Variants in CACNA1E observed in about 807,000 individuals in gnomAD.
The protein encoded by CACNA1E is calcium voltage-gated channel subunit alpha1 E.
In CACNA1E, 40 loss-of-function variants were observed where a neutral mutation model predicts 259.2. That is an observed-to-expected ratio of 0.15 (90% CI 0.12 to 0.20). The LOEUF is 0.20. Ranked by LOEUF, CACNA1E falls within the 10% of genes least tolerant of loss-of-function variation. The probability of loss-of-function intolerance (pLI) is 1.00; values close to 1 mark genes in which losing one functional copy is unlikely to be tolerated. For synonymous variants in CACNA1E, 1,104 were observed against 1,138.5 expected (o/e 0.97, Z 0.61); for missense variants, 1,874 against 3,040.1 (o/e 0.62, Z 9.02).
intron 7 of CACNA1E, among the ~76,000 whole-genome samples, chr1:181,658,493 C>T (rs1379939550): frequency 6.6e-6 from 1 of 152,206 alleles, no homozygotes. Flanking sequence ...AAAACCCTAG[C>T]CCAGGGTCTG....
intron 2 of CACNA1E, among the ~76,000 whole-genome samples, chr1:181,455,755 T>G (rs1474761500): frequency 1.3e-5 from 2 of 152,168 alleles, no homozygotes; most frequent in African/African-American, 4.8e-5. Context: ...TAATTTAGAC[T>G]CATTAATGGG....
chr1:181,435,936 G>A (rs1259800827), intron 2 of CACNA1E, among the ~76,000 whole-genome samples: 1 of 88,930 alleles, frequency 1.1e-5, no homozygotes, highest in East Asian at 2.1e-4. Flanking sequence ...GTGAAGTGAT[G>A]ACTCACAGAG....
rs1405540999 is a variant in CACNA1E, at chr1:181,776,830, G to C, written c.5267+602G>C. Among the ~76,000 whole-genome samples the C allele has an allele frequency of 6.6e-6, 1 of 152,156 alleles. No homozygotes were observed. Among genetic ancestry groups the C allele is most frequent in the South Asian group, 2.1e-4 (1 of 4,832 alleles). ...TGTTTAGTAGTTCTGAAGTGATAGC[G>C]TGCCTTCTAGGCTCTAGAGCAGGGA... On this transcript the variant is annotated intron_variant, in intron 38 of 47. Coordinates refer to ENST00000367573, the MANE Select transcript of CACNA1E (RefSeq NM_001205293.3). This position sits in a 1 kb window ranked among gnomAD's most constrained non-coding sequence, Gnocchi z 4.4.
chr1:181,700,870 C>T (rs141768994), intron 7 of CACNA1E, among the ~76,000 whole-genome samples: 312 of 152,300 alleles, frequency 2.0e-3, no homozygotes, highest in African/African-American at 6.8e-3. Flanking sequence ...AACTTCCTTC[C>T]GCTCACTTCG....
intron 3 of CACNA1E, among the ~76,000 whole-genome samples, chr1:181,514,519 G>A (rs1373537193): frequency 6.6e-6 from 1 of 152,138 alleles, no homozygotes; most frequent in Admixed American, 6.5e-5. Context: ...CTCCTTACCA[G>A]GCCACCTGGT....
chr1:181,786,456 G>A (rs963994680), intron 43 of CACNA1E, among the ~76,000 whole-genome samples: 1 of 152,200 alleles, frequency 6.6e-6, no homozygotes, highest in African/African-American at 2.4e-5. Flanking sequence ...TGACCCCAGA[G>A]TGTTTTCACT....
chr1:181,621,178 T>A (rs1387093387), intron 6 of CACNA1E, among the ~76,000 whole-genome samples: 1 of 152,246 alleles, frequency 6.6e-6, no homozygotes, highest in Non-Finnish European at 1.5e-5. Context: ...TGCTATTCAA[T>A]GTGAGGCCTT....
intron 15 of CACNA1E, among the ~76,000 whole-genome samples, 179 bp from the exon 16 acceptor site, chr1:181,721,579 A>G (rs1206650007): frequency 6.6e-6 from 1 of 151,944 alleles, no homozygotes; most frequent in Non-Finnish European, 1.5e-5. Context: ...TCTTTTCCAT[A>G]CGAAAAAAAA....
chr1:181,361,203 ACT>A (rs1042099976), intron 1 of CACNA1E, among the ~76,000 whole-genome samples: 41 of 151,874 alleles, frequency 2.7e-4, no homozygotes, highest in African/African-American at 9.7e-4. Flanking sequence ...GCCAAATCTA[ACT>A]CTTTCTCTTC....
chr1:181,542,196 T>C (rs1334046733), intron 3 of CACNA1E, among the ~76,000 whole-genome samples: 3 of 152,194 alleles, frequency 2.0e-5, no homozygotes, highest in African/African-American at 7.2e-5. Context: ...GTGGTTGGTT[T>C]CTTGACTGCA....
chr1:181,579,465 C>G (rs527309786), intron 5 of CACNA1E, among the ~76,000 whole-genome samples: 3 of 152,256 alleles, frequency 2.0e-5, no homozygotes, highest in Admixed American at 2.0e-4. Context: ...GGTCTTGGCT[C>G]CCCTATCCCA....
At chr1:181,379,642 GCTAGCT>G (rs1278843644) in intron 1 of CACNA1E, among the ~76,000 whole-genome samples, 1 of 152,148 alleles carries the variant, frequency 6.6e-6, no homozygotes, top group Non-Finnish European at 1.5e-5. Flanking sequence ...GATGGAAAGG[GCTAGCT>G]AGCTCTCTGG....
At chr1:181,546,723 C>T (rs983706295) in intron 3 of CACNA1E, among the ~76,000 whole-genome samples, 9 of 152,212 alleles carry the variant, frequency 5.9e-5, no homozygotes, top group African/African-American at 2.2e-4. Flanking sequence ...GCACATTCAT[C>T]AGCTCCTGTT....
At position 181,756,014 on chromosome 1, in the gene CACNA1E, C is replaced by T. The variant is rs1251838491; in HGVS notation, c.4048C>T (p.Arg1350Cys). ...GGAGGTGAAGGGCCGGGAATGGAAG[C>T]GCCATGAATTCCACTACGACAACAT... ...KMEVKGREWK[R>C]HEFHYDNIIW... is the part of the protein sequence containing the mutation. The change falls in exon 29 of 48, where the codon CGC becomes TGC. Residue 1350 changes from arginine (R) to cysteine (C), a missense_variant. By Grantham distance (180) the Arg-to-Cys change is radical (BLOSUM62 -3). This residue lies in a region of CACNA1E where 188 missense variants were observed against 540.6 expected (regional missense o/e 0.35). Transcript: ENST00000367573. 1.2e-6 allele frequency: 2 copies of T among 1,613,776 alleles called. No homozygotes were observed. Among genetic ancestry groups the T allele is most frequent in the Non-Finnish European group, 1.7e-6 (2 of 1,179,734 alleles).
intron 7 of CACNA1E, among the ~76,000 whole-genome samples, chr1:181,671,088 C>T (rs1018225655): frequency 6.6e-5 from 10 of 152,178 alleles, no homozygotes; most frequent in African/African-American, 2.4e-4. Context: ...TGCTGGAGTG[C>T]AGCGGTGCAG....
At chr1:181,770,731 C>A (rs991969965) in intron 35 of CACNA1E, among the ~76,000 whole-genome samples, 4 of 152,128 alleles carry the variant, frequency 2.6e-5, no homozygotes, top group African/African-American at 9.7e-5. Context: ...TAATGACATA[C>A]AGACCTTCTA....
At chr1:181,494,477 T>C (rs1485515471) in intron 1 of CACNA1E, among the ~76,000 whole-genome samples, 3 of 152,182 alleles carry the variant, frequency 2.0e-5, no homozygotes, top group Non-Finnish European at 2.9e-5. Context: ...GGACTCTATG[T>C]TTATATCAAG....
intron 3 of CACNA1E, 76 bp downstream of exon 3, chr1:181,511,586 A>G: frequency 6.5e-7 from 1 of 1,536,184 alleles, no homozygotes; most frequent in Non-Finnish European, 9.0e-7. Context: ...GGGGCAGGGA[A>G]CCTGGGGTGG....
At chr1:181,737,394 C>T (rs570717443) in intron 22 of CACNA1E, 131 bp from the exon 23 acceptor site, 3 of 994,682 alleles carry the variant, frequency 3.0e-6, no homozygotes, top group African/African-American at 1.6e-5. Flanking sequence ...AATTAAATTG[C>T]TCTCCCTGGC....
Sources: allele counts gnomAD v4.1 joint callset (sites outside exome capture counted in the v4.1 genomes callset), GRCh38; gene constraint gnomAD v4.1.1; regional missense constraint gnomAD v4.1.1; non-coding constraint Gnocchi (gnomAD v3.1); transcripts MANE v1.5; gene names NCBI Gene and HGNC (gene_info 2026-07-23, HGNC 2026-07-21).